Variants in C16orf92 observed in about 807,000 individuals in gnomAD.
C16orf92 encodes fertilization-influencing membrane protein 1, also known as fertilization-influencing membrane protein.
In C16orf92, 14 loss-of-function variants were observed where a neutral mutation model predicts 13.7. The ratio of observed to expected loss-of-function variants is 1.02; its 90% CI spans 0.67 to 1.60. The LOEUF is 1.60. C16orf92 is among the 40% of genes most tolerant of loss of function. The pLI is 0.00. For missense variants in C16orf92, 116 were observed against 139.0 expected (o/e 0.83, Z 0.83); for synonymous variants, 50 against 57.4 (o/e 0.87, Z 0.58).
downstream of C16orf92, chr16:30,026,460 C>A (rs1249803988): frequency 5.6e-6 from 4 of 717,684 alleles, no homozygotes; most frequent in Non-Finnish European, 9.2e-6. Flanking sequence ...GCTCAGTGAA[C>A]CCTGCCTGTC....
chr16:30,024,814 G>C, downstream of C16orf92: 1 of 232,762 alleles, frequency 4.3e-6, no homozygotes, highest in Non-Finnish European at 8.2e-6. Context: ...GGGGAGCCCT[G>C]GGGGATGGCA....
downstream of C16orf92, chr16:30,026,662 G>A (rs752286876): frequency 6.2e-7 from 1 of 1,613,752 alleles, no homozygotes; most frequent in African/African-American, 1.3e-5. Flanking sequence ...AGCACCATGA[G>A]GAACTCCTTG....
At chr16:30,025,617 G>T, downstream of C16orf92, 1 of 1,467,528 alleles carries the variant, frequency 6.8e-7, no homozygotes, top group Non-Finnish European at 9.5e-7. This position sits in a 1 kb window ranked among gnomAD's most constrained non-coding sequence, Gnocchi z 4.1. Flanking sequence ...AATGCACGGG[G>T]TGAGGGGGGG....
At chr16:30,023,705 A>G in intron 1 of C16orf92, 22 bp from the exon 2 acceptor site, 2 of 1,614,012 alleles carry the variant, frequency 1.2e-6, no homozygotes, top group South Asian at 1.1e-5. Flanking sequence ...GGCTGTTGTC[A>G]CAGAGTTTGC....
At chr16:30,025,830 A>C, downstream of C16orf92, 1 of 1,611,176 alleles carries the variant, frequency 6.2e-7, no homozygotes, top group Non-Finnish European at 8.5e-7. This position sits in a 1 kb window ranked among gnomAD's most constrained non-coding sequence, Gnocchi z 4.1. Context: ...ACCTGGGCAC[A>C]GAGGCAGGAA....
At chr16:30,025,358 C>T (rs1030821202), downstream of C16orf92, 8 of 1,596,704 alleles carry the variant, frequency 5.0e-6, no homozygotes, top group African/African-American at 2.7e-5. The surrounding 1 kb of genome is among the most constrained non-coding windows in gnomAD (Gnocchi z 4.1). Flanking sequence ...GCCGGCATGG[C>T]GCCCGTAGGC....
downstream of C16orf92, chr16:30,025,727 T>C (rs981098675): frequency 3.1e-6 from 5 of 1,614,110 alleles, no homozygotes; most frequent in Non-Finnish European, 3.4e-6. This position sits in a 1 kb window ranked among gnomAD's most constrained non-coding sequence, Gnocchi z 4.1. Flanking sequence ...CTCACTCACC[T>C]GGATGAGGAT....
At chr16:30,023,427 G>T in intron 1 of C16orf92, 23 bp downstream of exon 1, 1 of 1,606,576 alleles carries the variant, frequency 6.2e-7, no homozygotes, top group Non-Finnish European at 8.5e-7. Flanking sequence ...CTTGGGAGCA[G>T]CAGGAAGGCA....
downstream of C16orf92, chr16:30,026,709 G>C (rs773111522): frequency 2.5e-6 from 4 of 1,613,864 alleles, no homozygotes; most frequent in South Asian, 3.3e-5. Flanking sequence ...CGTGCTGCCC[G>C]GGGCTCTGGC....
chr16:30,025,257 G>C (rs764819830), downstream of C16orf92: 3 of 1,537,478 alleles, frequency 2.0e-6, no homozygotes, highest in African/African-American at 4.2e-5. This position sits in a 1 kb window ranked among gnomAD's most constrained non-coding sequence, Gnocchi z 4.1. Context: ...CGGCAGATGA[G>C]GAAGAACCAG....
chr16:30,024,285 T>C lies in C16orf92; in HGVS notation c.*58T>C. 2 of 1,580,238 alleles carry C rather than the reference T, an allele frequency of 1.3e-6. No homozygotes were observed. The highest frequency in any genetic ancestry group is 1.7e-6 in the Non-Finnish European group (2 of 1,152,040). On this transcript the variant is annotated 3_prime_UTR_variant, in exon 4 of 4. Transcript: ENST00000681219. ...GCACCCACACCCACCTCCTCTCCTG[T>C]TGATGAGCAAAAGTTCCCTGCTTTC...
At chr16:30,026,791 C>T (rs1178436191), downstream of C16orf92, 10 of 1,613,984 alleles carry the variant, frequency 6.2e-6, no homozygotes, top group African/African-American at 1.3e-5. Flanking sequence ...GCGTAGATGT[C>T]GTAGATGAAG....
At chr16:30,026,528 G>A (rs2071144443), downstream of C16orf92, 74 of 1,269,942 alleles carry the variant, frequency 5.8e-5, no homozygotes, top group South Asian at 8.9e-4. Flanking sequence ...CAGACCCGGG[G>A]CTTCCCAGGC....
chr16:30,027,277 G>A (rs977414851), downstream of C16orf92: 28 of 417,668 alleles, frequency 6.7e-5, no homozygotes, highest in Admixed American at 5.3e-5. Context: ...AGGGGTGGAC[G>A]CCCATTCCTG....
Position 30,023,885 on chromosome 16 carries a change from G to T in C16orf92, c.223G>T (p.Gly75Cys), listed in dbSNP as rs747833984. The T allele has an allele frequency of 4.3e-6, 7 of 1,609,830 alleles. No homozygotes were observed. Among genetic ancestry groups the T allele is most frequent in the Non-Finnish European group, 6.0e-6 (7 of 1,176,240 alleles). The change falls in exon 2 of 4, where the codon GGT becomes TGT. Residue 75 changes from glycine to cysteine, a missense_variant and splice_region_variant. Coordinates refer to ENST00000681219, the MANE Select transcript of C16orf92 (RefSeq NM_001109659.2). ...GEKPIVFINS[G>C]SSPGLFHHIL... ...GAAACCCATCGTGTTCATTAACTCAGGTATGAACCAGCTTGAGAAGGGACC... is the reference window on the plus strand; with the variant it reads ...GAAACCCATCGTGTTCATTAACTCATGTATGAACCAGCTTGAGAAGGGACC...
intron 1 of C16orf92, 144 bp from the exon 2 acceptor site, chr16:30,023,583 A>C: frequency 6.6e-7 from 1 of 1,504,990 alleles, no homozygotes; most frequent in East Asian, 2.3e-5. Context: ...TGGTGCACCC[A>C]GCTGACCCTG....
At chr16:30,027,488 G>A (rs117011265), downstream of C16orf92, 2,548 of 439,426 alleles carry the variant, frequency 5.8e-3, 15 homozygotes, top group Non-Finnish European at 8.3e-3. Context: ...ACCATCCCCA[G>A]AAGATCCGAG....
At chr16:30,026,589 C>T, downstream of C16orf92, 1 of 1,605,590 alleles carries the variant, frequency 6.2e-7, no homozygotes, top group Non-Finnish European at 8.5e-7. Flanking sequence ...ACCCCGCCCG[C>T]CCAGCTCCCC....
At chr16:30,023,574 G>A in intron 1 of C16orf92, 153 bp from the exon 2 acceptor site, 1 of 1,474,452 alleles carries the variant, frequency 6.8e-7, no homozygotes, top group Admixed American at 1.8e-5. Context: ...GCCTTGTCGT[G>A]GTGCACCCAG....
Sources: gnomAD v4.1 joint callset for allele counts on GRCh38, gnomAD v4.1.1 for gene constraint, Gnocchi (gnomAD v3.1) non-coding constraint, MANE v1.5 for transcripts, NCBI Gene and HGNC (gene_info 2026-07-23, HGNC 2026-07-21) for gene names.